The following SLC27A2 variants were observed in gnomAD, a reference collection of about 807,000 sequenced individuals.
SLC27A2 encodes long-chain fatty acid transport protein 2.
SLC27A2 carries 54 observed loss-of-function variants against 60.0 expected under a neutral mutation model. The ratio of observed to expected loss-of-function variants is 0.90; its 90% CI spans 0.72 to 1.13. The LOEUF (loss-of-function observed/expected upper bound fraction) is 1.13. Ranked by LOEUF, SLC27A2 falls within the 50% of genes most tolerant of loss-of-function variation. The pLI is 0.00. For synonymous variants in SLC27A2, 297 were observed against 297.6 expected (o/e 1.00, Z 0.02); for missense variants, 739 against 777.6 (o/e 0.95, Z 0.59).
At chr15:50,199,477 TA>T (rs60025067) in intron 2 of SLC27A2, among the ~76,000 whole-genome samples, 14,633 of 128,124 alleles carry the variant, frequency 0.11, 784 homozygotes, top group Middle Eastern at 0.15. Flanking sequence ...GACTCTGTCT[TA>T]AAAAAAAAAA....
At chr15:50,200,515 G>T (rs1171984072) in intron 2 of SLC27A2, among the ~76,000 whole-genome samples, 1 of 152,172 alleles carries the variant, frequency 6.6e-6, no homozygotes, top group Admixed American at 6.5e-5. Context: ...AATAATGGTA[G>T]GTTGCTAGCC....
intron 2 of SLC27A2, among the ~76,000 whole-genome samples, chr15:50,202,072 A>G (rs1358368340): frequency 6.6e-6 from 1 of 152,228 alleles, no homozygotes; most frequent in Non-Finnish European, 1.5e-5. Flanking sequence ...CAGAAATTCA[A>G]TGGACAGTCA....
chr15:50,188,951 C>A (rs558339408), intron 1 of SLC27A2, among the ~76,000 whole-genome samples: 77 of 151,538 alleles, frequency 5.1e-4, no homozygotes, highest in African/African-American at 1.8e-3. Context: ...CAGAGTGAGA[C>A]TGTCTAGATA....
At chr15:50,223,755 T>C (rs1310732744) in intron 5 of SLC27A2, among the ~76,000 whole-genome samples, 2 of 152,234 alleles carry the variant, frequency 1.3e-5, no homozygotes, top group African/African-American at 4.8e-5. Context: ...TTTTTTGTAC[T>C]CAAGCAGTCA....
intron 1 of SLC27A2, among the ~76,000 whole-genome samples, chr15:50,196,083 T>TAAAAAAAA (rs2045019550): frequency 4.2e-4 from 2 of 4,760 alleles, no homozygotes; most frequent in Non-Finnish European, 6.9e-4. Context: ...AAAAAATATA[T>TAAAAAAAA]ATATATATAT....
intron 1 of SLC27A2, among the ~76,000 whole-genome samples, 193 bp from the exon 2 acceptor site, chr15:50,197,307 G>C (rs2140899760): frequency 6.6e-6 from 1 of 151,890 alleles, no homozygotes; most frequent in South Asian, 2.1e-4. Context: ...AGACCAGCCT[G>C]GTCAACATAG....
intron 4 of SLC27A2, among the ~76,000 whole-genome samples, chr15:50,213,523 A>C (rs1179919167): frequency 1.3e-5 from 2 of 152,134 alleles, no homozygotes; most frequent in Non-Finnish European, 2.9e-5. Context: ...ACAGCGCATA[A>C]CTTTCTAACT....
At chr15:50,189,459 G>A (rs2044955620) in intron 1 of SLC27A2, among the ~76,000 whole-genome samples, 1 of 152,144 alleles carries the variant, frequency 6.6e-6, no homozygotes, top group African/African-American at 2.4e-5. Flanking sequence ...ATATATCCAA[G>A]GGCTGGGATT....
At chr15:50,195,311 G>GAAAAA (rs745744454) in intron 1 of SLC27A2, among the ~76,000 whole-genome samples, 7 of 110,994 alleles carry the variant, frequency 6.3e-5, no homozygotes, top group African/African-American at 9.7e-5. Flanking sequence ...CTAAAAATAT[G>GAAAAA]AAAAAAAAAA....
In SLC27A2 at chr15:50,232,753, G is replaced by T. The variant is rs138150259; in HGVS notation, c.1556-1115G>T. ...TGAGATTTCTAAGACAGGTGCTAGG[G>T]ACCCTAAACTAAGAGGATCTGGTGC... On this transcript the variant is annotated intron_variant, in intron 8 of 9. Coordinates refer to ENST00000267842, the MANE Select transcript of SLC27A2 (RefSeq NM_003645.4). Among the ~76,000 whole-genome samples the T allele has an allele frequency of 4.9e-3, 740 of 152,308 alleles. 5 individuals are homozygous for T. Among genetic ancestry groups the T allele is most frequent in the Non-Finnish European group, 6.0e-3 (409 of 68,030 alleles).
At chr15:50,186,524 G>A (rs1294102392) in intron 1 of SLC27A2, among the ~76,000 whole-genome samples, 2 of 152,132 alleles carry the variant, frequency 1.3e-5, no homozygotes, top group Admixed American at 6.5e-5. Context: ...GGCAACCTCC[G>A]CCTCCCAGGT....
chr15:50,205,470 T>A, intron 4 of SLC27A2, 107 bp downstream of exon 4: 2 of 1,151,964 alleles, frequency 1.7e-6, no homozygotes, highest in South Asian at 1.9e-5. Flanking sequence ...CAGTTTTGAG[T>A]TTAGGATACA....
chr15:50,204,875 GAC>G (rs1317895377), intron 3 of SLC27A2, among the ~76,000 whole-genome samples: 1 of 147,564 alleles, frequency 6.8e-6, no homozygotes, highest in Non-Finnish European at 1.5e-5. Flanking sequence ...ATATACTTGA[GAC>G]AGAGTCTCAC....
rs2045349974 is a variant in SLC27A2 at position 50,236,077 on chromosome 15, C to T, written c.1844C>T (p.Ala615Val). The change falls in exon 10 of 10, where the codon GCT (alanine) becomes GTT (valine). Residue 615 changes from alanine (A) to valine (V), a missense_variant. Physicochemically the swap from Ala to Val is moderately conservative, Grantham distance 64. Coordinates refer to ENST00000267842, the MANE Select transcript of SLC27A2 (RefSeq NM_003645.4). Reference protein sequence around the residue: ...MTEDIYNAISAKTLKL With the variant: ...MTEDIYNAISVKTLKL ...GAGGACATCTATAATGCCATAAGTGCTAAAACCCTGAAACTCTGAATATTC... is the reference window on the plus strand; with the variant it reads ...GAGGACATCTATAATGCCATAAGTGTTAAAACCCTGAAACTCTGAATATTC... 6.2e-7 allele frequency: 1 copy of T among 1,600,502 alleles called. No individual in the cohort carries two copies. The highest frequency in any genetic ancestry group is 8.5e-7 in the Non-Finnish European group (1 of 1,171,410).
intron 1 of SLC27A2, among the ~76,000 whole-genome samples, chr15:50,188,203 C>T (rs1033921030): frequency 2.6e-5 from 4 of 152,040 alleles, no homozygotes; most frequent in Admixed American, 2.6e-4. Flanking sequence ...TTTTGGGGCA[C>T]TGACTATTGA....
chr15:50,203,087 C>T (rs2140902537), intron 3 of SLC27A2, among the ~76,000 whole-genome samples: 1 of 151,432 alleles, frequency 6.6e-6, no homozygotes, highest in African/African-American at 2.4e-5. Flanking sequence ...ACCCAGGAGG[C>T]TGAAGTAGAA....
At chr15:50,214,628 G>A (rs747669031) in intron 4 of SLC27A2, among the ~76,000 whole-genome samples, 3 of 152,128 alleles carry the variant, frequency 2.0e-5, no homozygotes, top group Non-Finnish European at 4.4e-5. Flanking sequence ...CCATGATCAA[G>A]TGGGTTTCAT....
At chr15:50,212,728 C>A (rs752451053) in intron 4 of SLC27A2, among the ~76,000 whole-genome samples, 1 of 152,138 alleles carries the variant, frequency 6.6e-6, no homozygotes, top group South Asian at 2.1e-4. Flanking sequence ...CGTTTTCAGA[C>A]AAACAAATGC....
rs148666409 is a variant in SLC27A2, at chr15:50,184,802, A to T, written c.478+1897A>T. ...CAGTGAGCCGAGATCATGCCACTGC[A>T]CTCCAGCCTGGGGGACAGAGTGAGA... On this transcript the variant is annotated intron_variant, in intron 1 of 9. Coordinates refer to ENST00000267842, the MANE Select transcript of SLC27A2 (RefSeq NM_003645.4). Among the ~76,000 whole-genome samples the T allele has an allele frequency of 8.3e-3, 1,257 of 152,280 alleles. 8 individuals carry two copies. The highest frequency in any genetic ancestry group is 0.013 in the Non-Finnish European group (868 of 68,024).
Sources: gnomAD v4.1 joint callset for allele counts (sites outside exome capture counted in the v4.1 genomes callset) on GRCh38, gnomAD v4.1.1 for gene constraint, MANE v1.5 for transcripts, NCBI Gene and HGNC (gene_info 2026-07-23, HGNC 2026-07-21) for gene names.